PRICKLE2: variants seen among roughly 807,000 people sequenced by gnomAD.
PRICKLE2 encodes prickle planar cell polarity protein 2.
In PRICKLE2, 21 loss-of-function variants were observed where a neutral mutation model predicts 81.4. The observed-to-expected ratio is 0.26, with a 90% confidence interval of 0.18 to 0.37. The LOEUF (loss-of-function observed/expected upper bound fraction) is 0.37. PRICKLE2 is among the 10% of genes least tolerant of loss of function. PRICKLE2 has a pLI of 1.00. For missense variants in PRICKLE2, 940 were observed against 1,109.0 expected (o/e 0.85, Z 2.16); for synonymous variants, 456 against 421.5 (o/e 1.08, Z -1.00).
At chr3:64,253,099 T>A (rs941065574) in intron 2 of PRICKLE2, among the ~76,000 whole-genome samples, 4 of 152,164 alleles carry the variant, frequency 2.6e-5, no homozygotes, top group Non-Finnish European at 5.9e-5. Context: ...AGCCCTAGGT[T>A]AAAAATAAAA....
chr3:64,128,743 CAAAA>C lies in PRICKLE2; in HGVS notation c.1660+18083_1660+18086del, dbSNP rs34396377. 2.9e-4 allele frequency among the ~76,000 whole-genome samples: 27 copies of C among 94,084 alleles called. 1 individual carries two copies. Among genetic ancestry groups the C allele is most frequent in the African/African-American group, 8.8e-4 (21 of 23,830 alleles). The allele number at this position is 94,084 out of a possible 152,430, so 61.7% of individuals were successfully genotyped here. A position where few individuals can be genotyped will look rare whatever the true frequency, so the allele number is the denominator to read the frequency against. On this transcript the variant is annotated intron_variant, in intron 7 of 7. Transcript: ENST00000638394. ...CCTGGGCAACAGTGTAAGACTGTCT[CAAAA>C]AAAAAAAAAAAAAAAAGGCATATTC...
intron 1 of PRICKLE2, among the ~76,000 whole-genome samples, chr3:64,215,157 T>C (rs2078852476): frequency 6.6e-6 from 1 of 152,092 alleles, no homozygotes; most frequent in Admixed American, 6.5e-5. Flanking sequence ...TCCTTAACCA[T>C]AGCCTACAAG....
At chr3:64,221,858 T>G (rs1311105294) in intron 1 of PRICKLE2, among the ~76,000 whole-genome samples, 2 of 152,178 alleles carry the variant, frequency 1.3e-5, no homozygotes, top group Admixed American at 6.5e-5. Context: ...GTTGGGTCAT[T>G]GAGCCCTTCT....
At chr3:64,254,041 G>A (rs1391693387) in intron 2 of PRICKLE2, among the ~76,000 whole-genome samples, 1 of 152,196 alleles carries the variant, frequency 6.6e-6, no homozygotes, top group Non-Finnish European at 1.5e-5. Context: ...ACAGGTATAT[G>A]TTTCGGGGCA....
chr3:64,252,286 G>A (rs2079458956), intron 2 of PRICKLE2, among the ~76,000 whole-genome samples: 1 of 152,094 alleles, frequency 6.6e-6, no homozygotes, highest in Non-Finnish European at 1.5e-5. Context: ...CCCCCATAAG[G>A]GCTCCTATAC....
chr3:64,169,018 T>C (rs1454815521), intron 2 of PRICKLE2, among the ~76,000 whole-genome samples: 1 of 152,088 alleles, frequency 6.6e-6, no homozygotes, highest in Non-Finnish European at 1.5e-5. Flanking sequence ...ATACCCTCAT[T>C]TGACTGAGAG....
intron 4 of PRICKLE2, among the ~76,000 whole-genome samples, chr3:64,157,609 G>A (rs1437098941): frequency 2.6e-5 from 4 of 152,186 alleles, no homozygotes; most frequent in Non-Finnish European, 5.9e-5. Flanking sequence ...TCACAAAGGT[G>A]GGAAAGAAAG....
intron 2 of PRICKLE2, among the ~76,000 whole-genome samples, chr3:64,179,688 G>C (rs962624716): frequency 2.0e-5 from 3 of 152,146 alleles, no homozygotes; most frequent in African/African-American, 4.8e-5. Context: ...TACAAGTAAA[G>C]TCTGCAAATG....
intron 1 of PRICKLE2, among the ~76,000 whole-genome samples, chr3:64,222,828 GA>G (rs1283411703): frequency 1.3e-5 from 2 of 152,346 alleles, no homozygotes; most frequent in East Asian, 3.9e-4. Flanking sequence ...AAGCAGAAGA[GA>G]AATCTAGAAA....
chr3:64,137,971 C>T (rs4688433), intron 7 of PRICKLE2, among the ~76,000 whole-genome samples: 18,615 of 152,066 alleles, frequency 0.12, 1,303 homozygotes, highest in East Asian at 0.29. Context: ...GAAACCCCTA[C>T]GTTAAAATCA....
chr3:64,114,152 C>T (rs1024913548), intron 7 of PRICKLE2, among the ~76,000 whole-genome samples: 1 of 151,616 alleles, frequency 6.6e-6, no homozygotes, highest in African/African-American at 2.4e-5. Flanking sequence ...CAGCTGAATC[C>T]ATCTCATACC....
At chr3:64,163,744 C>T (rs1305734010) in intron 2 of PRICKLE2, 3 of 161,166 alleles carry the variant, frequency 1.9e-5, no homozygotes, top group Admixed American at 1.1e-4. Flanking sequence ...CCACAACATT[C>T]CTGTTTACGA....
intron 2 of PRICKLE2, among the ~76,000 whole-genome samples, chr3:64,169,634 A>C (rs1284177444): frequency 6.6e-6 from 1 of 152,236 alleles, no homozygotes; most frequent in African/African-American, 2.4e-5. Flanking sequence ...AGGAAAAGGC[A>C]AACACAAACA....
chr3:64,224,996 T>C lies in PRICKLE2; in HGVS notation c.-127A>G, dbSNP rs2079011386. On this transcript the variant is annotated 5_prime_UTR_variant, in exon 1 of 8. Transcript: ENST00000638394. ...CAATTGTCCCAGTTCACTTTCTCCCTGGATCTGACTTCTAAGAACGCAAGC... is the reference window on the plus strand; with the variant it reads ...CAATTGTCCCAGTTCACTTTCTCCCCGGATCTGACTTCTAAGAACGCAAGC... 7 of 985,386 alleles carry C rather than the reference T, an allele frequency of 7.1e-6. No individual in the cohort carries two copies. The highest frequency in any genetic ancestry group is 1.7e-5 in the African/African-American group (1 of 57,232). 61.0% of individuals were successfully genotyped at this position (985,386 alleles called of 1,614,324 possible).
At chr3:64,152,718 C>T (rs1237263731) in intron 6 of PRICKLE2, among the ~76,000 whole-genome samples, 2 of 152,118 alleles carry the variant, frequency 1.3e-5, no homozygotes, top group African/African-American at 4.8e-5. Flanking sequence ...CCCCCACTGC[C>T]CTGAGCCTCG....
chr3:64,094,930 G>C lies in PRICKLE2; in HGVS notation c.*4121C>G, dbSNP rs534239453. On this transcript the variant is annotated 3_prime_UTR_variant, in exon 8 of 8. Transcript: ENST00000638394. ...TGAAGGTGCAAAACAGTTGCTAATAGCAACTGTCCTGGCATGAAGTATTCA... is the reference window on the plus strand; with the variant it reads ...TGAAGGTGCAAAACAGTTGCTAATACCAACTGTCCTGGCATGAAGTATTCA... 9.2e-5 allele frequency: 14 copies of C among 152,768 alleles called. No homozygotes were observed. Among genetic ancestry groups the C allele is most frequent in the Middle Eastern group, 3.4e-3 (1 of 294 alleles). 9.5% of individuals were successfully genotyped at this position (152,768 alleles called of 1,614,324 possible).
At chr3:64,192,725 C>T (rs2078366466) in intron 2 of PRICKLE2, among the ~76,000 whole-genome samples, 1 of 152,124 alleles carries the variant, frequency 6.6e-6, no homozygotes, top group South Asian at 2.1e-4. Context: ...TGGTATCTAC[C>T]CTTCATCCTT....
intron 1 of PRICKLE2, among the ~76,000 whole-genome samples, chr3:64,209,236 A>T (rs1357794588): frequency 6.6e-6 from 1 of 151,762 alleles, no homozygotes. Context: ...TCACCCATCT[A>T]TCCATTCATT....
In PRICKLE2 at chr3:64,109,566, AG is replaced by A. The variant is rs563304286; in HGVS notation, c.1661-9642del. On this transcript the variant is annotated intron_variant, in intron 7 of 7. Transcript: ENST00000638394. Reference sequence around the variant, plus strand: ...GCTGCACTGGGGAAGGGAAAGGGAAAGGGGAGGCCAAGCCCTGGGGCAGGGG... The same window carrying A: ...GCTGCACTGGGGAAGGGAAAGGGAAAGGGAGGCCAAGCCCTGGGGCAGGGG... 1.0e-4 allele frequency among the ~76,000 whole-genome samples: 15 copies of A among 148,556 alleles called. No individual in the cohort carries two copies. The South Asian group carries it at 1.4e-3, about 13-fold the overall frequency.
Sources: gnomAD v4.1 joint callset for allele counts (sites outside exome capture counted in the v4.1 genomes callset) on GRCh38, gnomAD v4.1.1 for gene constraint, MANE v1.5 for transcripts, NCBI Gene and HGNC (gene_info 2026-07-23, HGNC 2026-07-21) for gene names.